KLHL24: variants seen among roughly 807,000 people sequenced by gnomAD.
KLHL24 encodes kelch like family member 24, also known as kelch-like protein 24.
In KLHL24, 29 loss-of-function variants were observed where a neutral mutation model predicts 53.4. The ratio of observed to expected loss-of-function variants is 0.54; its 90% CI spans 0.40 to 0.74. The LOEUF (loss-of-function observed/expected upper bound fraction) is 0.74. Ranked by LOEUF, KLHL24 falls within the 30% of genes least tolerant of loss-of-function variation. The pLI is 0.00. For missense variants in KLHL24, 504 were observed against 744.0 expected, an observed-to-expected ratio of 0.68 and a Z score of 3.75; for synonymous variants, 222 against 253.7, an observed-to-expected ratio of 0.88 and a Z score of 1.19.
chr3:183,651,971 G>T (rs1718185017), intron 3 of KLHL24, among the ~76,000 whole-genome samples: 3 of 151,794 alleles, frequency 2.0e-5, no homozygotes, highest in African/African-American at 7.3e-5. Flanking sequence ...AAAAATGTTT[G>T]CACATCCACA....
intron 7 of KLHL24, among the ~76,000 whole-genome samples, chr3:183,676,857 A>G (rs935315087): frequency 1.1e-4 from 16 of 151,036 alleles, no homozygotes; most frequent in East Asian, 1.9e-4. Context: ...CTTTTTGTCT[A>G]TTGTTGACAG....
At chr3:183,659,804 G>C (rs918756060) in intron 3 of KLHL24, among the ~76,000 whole-genome samples, 1 of 152,164 alleles carries the variant, frequency 6.6e-6, no homozygotes, top group Non-Finnish European at 1.5e-5. Context: ...CCTTCTCTTG[G>C]GGAGACATAA....
In KLHL24 at chr3:183,665,027, C is replaced by A. The variant is rs755872716; in HGVS notation, c.1212C>A (p.Val404=). 50 of 1,592,834 alleles carry A rather than the reference C, an allele frequency of 3.1e-5. No homozygotes were observed. Among genetic ancestry groups the A allele is most frequent in the Non-Finnish European group, 4.3e-5 (50 of 1,162,192 alleles). Residue 404 remains valine, a synonymous_variant, in exon 5 of 8, where the codon GTC becomes GTA. Transcript: ENST00000242810. ...GCAGATGGCGTCACAAAATGGCTGT[C>A]CTCCTTGGTAAAGTAAGAGAAACCA... ...NKGRWRHKMA[V]LLGKVYVVGG... is the part of the protein sequence containing the mutation.
At chr3:183,653,771 T>G (rs549419141) in intron 3 of KLHL24, among the ~76,000 whole-genome samples, 10 of 150,850 alleles carry the variant, frequency 6.6e-5, no homozygotes, top group East Asian at 3.9e-4. Context: ...ACCCATTTTT[T>G]GGGGGCCTTT....
rs1356175020 is a variant in KLHL24 at position 183,680,944 on chromosome 3, T to C, written c.*1658T>C. 1 of 152,212 alleles carries C rather than the reference T, an allele frequency of 6.6e-6. No homozygotes were observed. Among genetic ancestry groups the C allele is most frequent in the Non-Finnish European group, 1.5e-5 (1 of 68,018 alleles). The allele number at this position is 152,212 out of a possible 1,614,324, so 9.4% of individuals were successfully genotyped here. ...AATAAAAAGCCTAACATTGGTAAGC[T>C]ACATTGTTTTCTCATTTTAGAATGA... On this transcript the variant is annotated 3_prime_UTR_variant, in exon 8 of 8. Coordinates refer to ENST00000242810, the MANE Select transcript of KLHL24 (RefSeq NM_017644.3).
At chr3:183,659,229 A>G (rs1306785840) in intron 3 of KLHL24, among the ~76,000 whole-genome samples, 1 of 152,152 alleles carries the variant, frequency 6.6e-6, no homozygotes, top group East Asian at 1.9e-4. Context: ...ATAAAAGGGA[A>G]ATTTATTAAC....
intron 3 of KLHL24, among the ~76,000 whole-genome samples, chr3:183,652,050 G>A (rs901183453): frequency 1.3e-5 from 2 of 152,174 alleles, no homozygotes; most frequent in South Asian, 2.1e-4. Context: ...TATACATTGA[G>A]TGAATTCTGA....
At chr3:183,639,472 T>C (rs1356838492) in intron 1 of KLHL24, among the ~76,000 whole-genome samples, 6 of 147,798 alleles carry the variant, frequency 4.1e-5, no homozygotes, top group East Asian at 4.1e-4. Context: ...CTACTAAAAA[T>C]ACAAAAAATT....
At chr3:183,647,932 G>C (rs190568779) in intron 2 of KLHL24, among the ~76,000 whole-genome samples, 1 of 152,118 alleles carries the variant, frequency 6.6e-6, no homozygotes, top group Non-Finnish European at 1.5e-5. Context: ...CTTGAACCCG[G>C]GAGGCAGAGG....
intron 2 of KLHL24, among the ~76,000 whole-genome samples, chr3:183,646,451 A>C (rs1435382634): frequency 3.3e-5 from 5 of 151,772 alleles, no homozygotes; most frequent in African/African-American, 7.3e-5. Flanking sequence ...ATTTCACTTT[A>C]GTCTTTATTC....
intron 3 of KLHL24, among the ~76,000 whole-genome samples, chr3:183,659,666 C>T (rs1241047050): frequency 6.6e-6 from 1 of 152,244 alleles, no homozygotes; most frequent in African/African-American, 2.4e-5. Flanking sequence ...TACCTCTTGC[C>T]TCTGCTTTTC....
intron 4 of KLHL24, among the ~76,000 whole-genome samples, chr3:183,664,716 T>G (rs1467270087): frequency 6.6e-6 from 1 of 152,256 alleles, no homozygotes; most frequent in Non-Finnish European, 1.5e-5. Context: ...CTTATCAAGA[T>G]AACAATTGGT....
intron 1 of KLHL24, among the ~76,000 whole-genome samples, chr3:183,641,952 A>G (rs764961076): frequency 5.3e-5 from 8 of 152,182 alleles, no homozygotes; most frequent in Non-Finnish European, 1.0e-4. Flanking sequence ...TGTCCAGGTG[A>G]ATTGCCTTAT....
rs1721444282 is a variant in KLHL24, at chr3:183,672,365, A to G, written c.1483A>G (p.Ile495Val). The G allele has an allele frequency of 6.2e-7, 1 of 1,613,236 alleles. No individual in the cohort carries two copies. Among genetic ancestry groups the G allele is most frequent in the African/African-American group, 1.3e-5 (1 of 75,028 alleles). Residue 495 changes from isoleucine (I) to valine (V), a missense_variant, in exon 7 of 8, where the codon ATA becomes GTA. Physicochemically the swap from Ile to Val is conservative, Grantham distance 29. Transcript: ENST00000242810. ...RAAIPIAKRC[I>V]TAVSLNNLIY... ...AGCTATCCCAATTGCCAAAAGGTGT[A>G]TAACAGCTGTATCCCTAAACAACCT...
intron 3 of KLHL24, among the ~76,000 whole-genome samples, chr3:183,657,242 T>C (rs1395360773): frequency 6.6e-6 from 1 of 152,152 alleles, no homozygotes; most frequent in African/African-American, 2.4e-5. Flanking sequence ...GGCACTAAAC[T>C]GGGCAAGTGT....
intron 1 of KLHL24, among the ~76,000 whole-genome samples, chr3:183,637,301 C>G (rs773874990): frequency 6.6e-6 from 1 of 152,126 alleles, no homozygotes; most frequent in African/African-American, 2.4e-5. Flanking sequence ...GATTTAAAAG[C>G]AGATTTCTAC....
chr3:183,659,766 TTCAG>T (rs1392302525), intron 3 of KLHL24, among the ~76,000 whole-genome samples: 1 of 152,200 alleles, frequency 6.6e-6, no homozygotes, highest in Non-Finnish European at 1.5e-5. Context: ...ATATTACAAG[TTCAG>T]TCAGTCAGAG....
At position 183,679,106 on chromosome 3, in the gene KLHL24, G is replaced by T. The variant is rs371617655; in HGVS notation, c.1623G>T (p.Val541=). The T allele has an allele frequency of 2.0e-5, 32 of 1,613,320 alleles. No individual in the cohort carries two copies. The highest frequency in any genetic ancestry group is 2.7e-5 in the Non-Finnish European group (32 of 1,179,416). The change falls in exon 8 of 8, where the codon GTG becomes GTT. Residue 541 remains valine (V), a synonymous_variant. Transcript: ENST00000242810. The part of the protein sequence containing the change: ...FSRQENCGMS[V]CNGKIYILGG... ...AACAGGAAAACTGTGGTATGTCTGTGTGTAATGGTAAAATATATATCCTGG... is the reference window on the plus strand; with the variant it reads ...AACAGGAAAACTGTGGTATGTCTGTTTGTAATGGTAAAATATATATCCTGG...
At chr3:183,654,082 T>C (rs1325966219) in intron 3 of KLHL24, among the ~76,000 whole-genome samples, 1 of 152,214 alleles carries the variant, frequency 6.6e-6, no homozygotes. Flanking sequence ...GAAACTCCTC[T>C]CAATCAGGTC....
Sources: allele counts gnomAD v4.1 joint callset (sites outside exome capture counted in the v4.1 genomes callset), GRCh38; gene constraint gnomAD v4.1.1; transcripts MANE v1.5; gene names NCBI Gene and HGNC (gene_info 2026-07-23, HGNC 2026-07-21).